HDAC9: variants seen among roughly 807,000 people sequenced by gnomAD.
HDAC9 encodes the protein MEF-2 interacting transcription repressor (MITR) protein.
In HDAC9, 41 loss-of-function variants were observed where a neutral mutation model predicts 139.4. The observed-to-expected ratio is 0.29, with a 90% CI of 0.23 to 0.38. The LOEUF (loss-of-function observed/expected upper bound fraction) is 0.38, where lower values mean the gene tolerates loss of function less well. Among genes scored for constraint, HDAC9 ranks in the 10% least tolerant of loss-of-function variants. HDAC9 has a pLI of 1.00. For missense variants in HDAC9, 1,147 were observed against 1,297.0 expected, an observed-to-expected ratio of 0.88 and a Z score of 1.78; for synonymous variants, 517 against 476.2, an observed-to-expected ratio of 1.09 and a Z score of -1.12.
chr7:18,166,367 GT>G (rs1275955170), intron 2 of HDAC9, among the ~76,000 whole-genome samples: 1 of 152,102 alleles, frequency 6.6e-6, no homozygotes, highest in Non-Finnish European at 1.5e-5. Context: ...GAAGTGAAAG[GT>G]TTATAGCAAG....
chr7:18,652,454 C>T (rs1453455345), intron 11 of HDAC9, among the ~76,000 whole-genome samples: 2 of 151,810 alleles, frequency 1.3e-5, no homozygotes, highest in African/African-American at 2.4e-5. Context: ...TTTAGACATA[C>T]TGATGATTTT....
intron 1 of HDAC9, among the ~76,000 whole-genome samples, chr7:18,094,400 C>G (rs1782365989): frequency 6.6e-6 from 1 of 150,884 alleles, no homozygotes; most frequent in East Asian, 2.0e-4. Flanking sequence ...GACACAAGTT[C>G]TTTCACAGCC....
chr7:18,595,122 G>T (rs1196631676), intron 6 of HDAC9, among the ~76,000 whole-genome samples: 1 of 152,004 alleles, frequency 6.6e-6, no homozygotes, highest in Non-Finnish European at 1.5e-5. Flanking sequence ...TTATGAATAA[G>T]AATTTATTAT....
chr7:18,286,434 G>A (rs1797459309), upstream of HDAC9, among the ~76,000 whole-genome samples: 1 of 148,802 alleles, frequency 6.7e-6, no homozygotes, highest in African/African-American at 2.4e-5. Flanking sequence ...AATAATTATA[G>A]TTTATATAAA....
intron 12 of HDAC9, among the ~76,000 whole-genome samples, chr7:18,702,161 G>A (rs1271473791): frequency 2.0e-5 from 3 of 152,172 alleles, no homozygotes; most frequent in South Asian, 2.1e-4. Flanking sequence ...ACAGGCTGTC[G>A]CTTGTGCCAG....
chr7:18,780,232 A>G (rs2129170359), intron 16 of HDAC9, among the ~76,000 whole-genome samples: 1 of 152,198 alleles, frequency 6.6e-6, no homozygotes, highest in South Asian at 2.1e-4. Context: ...GTGATAAATG[A>G]AATGTGATTT....
chr7:18,563,077 A>G (rs998742053), intron 2 of HDAC9, among the ~76,000 whole-genome samples: 2 of 152,146 alleles, frequency 1.3e-5, no homozygotes, highest in African/African-American at 4.8e-5. Flanking sequence ...TCATAAATAT[A>G]TTATGATATA....
intron 2 of HDAC9, among the ~76,000 whole-genome samples, chr7:18,179,374 G>A (rs914626876): frequency 6.6e-6 from 1 of 152,154 alleles, no homozygotes; most frequent in African/African-American, 2.4e-5. Context: ...TAAACTACAA[G>A]GTAAAGCTGA....
In HDAC9 at chr7:18,743,261, T is replaced by C. The variant is rs188224232; in HGVS notation, c.1910-5744T>C. Among the ~76,000 whole-genome samples the C allele has an allele frequency of 4.3e-4, 66 of 152,318 alleles. 1 individual carries two copies. Among genetic ancestry groups the C allele is most frequent in the Admixed American group, 3.5e-3 (54 of 15,306 alleles). ...TCCTAGGCCTTAACAGACACTCATATAGTGTTAGTTGGAAGGCTTATGTTG... is the reference window on the plus strand; with the variant it reads ...TCCTAGGCCTTAACAGACACTCATACAGTGTTAGTTGGAAGGCTTATGTTG... On this transcript the variant is annotated intron_variant, in intron 13 of 25. Transcript: ENST00000686413.
chr7:18,444,408 CAATA>C (rs1016996748), intron 1 of HDAC9, among the ~76,000 whole-genome samples: 10 of 145,006 alleles, frequency 6.9e-5, no homozygotes, highest in African/African-American at 2.5e-4. Flanking sequence ...GTACATGTCT[CAATA>C]GACATCTCAG....
intron 1 of HDAC9, among the ~76,000 whole-genome samples, chr7:18,098,656 A>G (rs1280432512): frequency 6.6e-6 from 1 of 152,150 alleles, no homozygotes; most frequent in African/African-American, 2.4e-5. Context: ...AGTTTTGTCT[A>G]TACTAGATTT....
rs766458425 is a variant in HDAC9, at chr7:18,630,665, A to C, written c.796+1184A>C. ...TCTGAATAATAAATACAATTATTTT[A>C]CTAGAGTTTATATGTATTATCCAAC... On this transcript the variant is annotated intron_variant, in intron 7 of 25. Coordinates refer to ENST00000686413, the MANE Select transcript of HDAC9 (RefSeq NM_178425.4). Among the ~76,000 whole-genome samples, 8 of 152,278 alleles carry C rather than the reference A, an allele frequency of 5.3e-5. No homozygotes were observed. The East Asian group carries it at 1.5e-3, about 29-fold the overall frequency.
intron 16 of HDAC9, among the ~76,000 whole-genome samples, chr7:18,791,642 G>T (rs2520335): frequency 0.015 from 2,261 of 152,230 alleles, 52 homozygotes; most frequent in African/African-American, 0.052. Context: ...CTGGCTCCTA[G>T]AAAGCACGGG....
At chr7:18,594,294 T>C (rs1831844014) in intron 6 of HDAC9, among the ~76,000 whole-genome samples, 1 of 152,090 alleles carries the variant, frequency 6.6e-6, no homozygotes, top group Non-Finnish European at 1.5e-5. Flanking sequence ...TTACTAGGAA[T>C]AAATAAAAAT....
At chr7:18,977,075 C>A (rs1784594234) in intron 25 of HDAC9, among the ~76,000 whole-genome samples, 1 of 152,158 alleles carries the variant, frequency 6.6e-6, no homozygotes, top group Admixed American at 6.6e-5. Flanking sequence ...CAATTATTTT[C>A]TCTTACCATA....
intron 1 of HDAC9, among the ~76,000 whole-genome samples, chr7:18,332,392 T>TGTGTGTGTGA (rs1491466092): frequency 1.1e-5 from 1 of 90,484 alleles, no homozygotes; most frequent in African/African-American, 4.1e-5. Context: ...TGTGTGTGTG[T>TGTGTGTGTGA]GAGAGAGAGA....
At chr7:18,395,826 G>A (rs141636830) in intron 1 of HDAC9, among the ~76,000 whole-genome samples, 1 of 152,140 alleles carries the variant, frequency 6.6e-6, no homozygotes, top group Non-Finnish European at 1.5e-5. Flanking sequence ...GTTTTGATCT[G>A]TAGAATTTCA....
intron 2 of HDAC9, among the ~76,000 whole-genome samples, chr7:18,555,815 G>T (rs1818623469): frequency 1.3e-5 from 2 of 151,934 alleles, no homozygotes; most frequent in Non-Finnish European, 2.9e-5. Flanking sequence ...ATTATTGTAG[G>T]TCTGTATTCT....
chr7:18,740,504 T>C (rs1787352413), intron 13 of HDAC9, among the ~76,000 whole-genome samples: 1 of 152,192 alleles, frequency 6.6e-6, no homozygotes, highest in East Asian at 1.9e-4. Flanking sequence ...AAATATTGTG[T>C]GTGTTCTGAC....
Sources: gnomAD v4.1 joint callset for allele counts (sites outside exome capture counted in the v4.1 genomes callset) on GRCh38, gnomAD v4.1.1 for gene constraint, MANE v1.5 for transcripts, NCBI Gene and HGNC (gene_info 2026-07-23, HGNC 2026-07-21) for gene names.